Variants in TIMP2 observed in about 807,000 individuals in gnomAD.
TIMP2 encodes TIMP metallopeptidase inhibitor 2, also known as metalloproteinase inhibitor 2.
Under a neutral mutation model 24.3 loss-of-function variants are expected in TIMP2, and 5 were observed. The observed-to-expected ratio is 0.21, with a 90% CI of 0.11 to 0.43. The LOEUF (loss-of-function observed/expected upper bound fraction) is 0.43. Among genes scored for constraint, TIMP2 ranks in the 20% least tolerant of loss-of-function variants. The pLI is 1.00. For missense variants in TIMP2, 221 were observed against 297.5 expected, an observed-to-expected ratio of 0.74 and a Z score of 1.89; for synonymous variants, 130 against 123.2, an observed-to-expected ratio of 1.06 and a Z score of -0.37.
At position 78,854,719 on chromosome 17, in the gene TIMP2, G is replaced by A. The variant is rs2069509759; in HGVS notation, c.*948C>T. On this transcript the variant is annotated 3_prime_UTR_variant, in exon 5 of 5. Coordinates refer to ENST00000262768, the MANE Select transcript of TIMP2 (RefSeq NM_003255.5). ...TTTCTGTCCTCAGGATGTGCAGATG[G>A]GGAGCCCAGCCGGGCCCTGCACACA... 1 of 152,296 alleles carries A rather than the reference G, an allele frequency of 6.6e-6. No individual in the cohort carries two copies. Among genetic ancestry groups the A allele is most frequent in the Admixed American group, 6.5e-5 (1 of 15,282 alleles). 9.4% of individuals were successfully genotyped at this position (152,296 alleles called of 1,614,324 possible). A position where few individuals can be genotyped will look rare whatever the true frequency, so the allele number is the denominator to read the frequency against.
At position 78,853,427 on chromosome 17, in the gene TIMP2, C is replaced by T. The variant is rs973105879; in HGVS notation, c.*2240G>A. ...TTGAGCGGCTTCCTCTGTCAGCTGC[C>T]ACCCGGCTCTTCTTAACCTGTTTTG... is the stretch of plus-strand genomic sequence containing the variant. On this transcript the variant is annotated 3_prime_UTR_variant, in exon 5 of 5. Transcript: ENST00000262768. The T allele has an allele frequency of 6.6e-6, 1 of 152,206 alleles. No individual in the cohort carries two copies. Among genetic ancestry groups the T allele is most frequent in the Non-Finnish European group, 1.5e-5 (1 of 68,032 alleles). The allele number at this position is 152,206 out of a possible 1,614,324, so 9.4% of individuals were successfully genotyped here. A position where few individuals can be genotyped will look rare whatever the true frequency, so the allele number is the denominator to read the frequency against.
Position 78,885,763 on chromosome 17 carries a change from T to C in TIMP2, c.131-11844A>G, listed in dbSNP as rs575873282. On this transcript the variant is annotated intron_variant, in intron 1 of 4. Coordinates refer to ENST00000262768, the MANE Select transcript of TIMP2 (RefSeq NM_003255.5). ...ACCTTAACACTCTGCCCAGGTCACC[T>C]AGCTGCTGGCAAATGGCAGAGCCAG... 1.4e-3 allele frequency among the ~76,000 whole-genome samples: 219 copies of C among 152,256 alleles called. 1 individual carries two copies. The highest frequency in any genetic ancestry group is 2.6e-3 in the Non-Finnish European group (177 of 67,996).
chr17:78,892,806 A>G (rs1191586589), intron 1 of TIMP2, among the ~76,000 whole-genome samples: 1 of 151,988 alleles, frequency 6.6e-6, no homozygotes, highest in Non-Finnish European at 1.5e-5. Flanking sequence ...AATACCCCAC[A>G]CTGCACAGGA....
chr17:78,857,670 A>C, intron 3 of TIMP2, 24 bp from the exon 4 acceptor site: 1 of 1,613,660 alleles, frequency 6.2e-7, no homozygotes, highest in Non-Finnish European at 8.5e-7. Context: ...GGGATCACCG[A>C]GCTCAGGGAG....
At chr17:78,906,772 G>A (rs111699802) in intron 1 of TIMP2, among the ~76,000 whole-genome samples, 2,392 of 151,962 alleles carry the variant, frequency 0.016, 68 homozygotes, top group African/African-American at 0.055. Context: ...TGGTAGAGAC[G>A]GGGTTTTACC....
At chr17:78,883,989 C>T (rs372987777) in intron 1 of TIMP2, among the ~76,000 whole-genome samples, 52 of 152,242 alleles carry the variant, frequency 3.4e-4, no homozygotes, top group East Asian at 2.3e-3. Flanking sequence ...CACCAGACCC[C>T]GGGAGGATTT....
intron 1 of TIMP2, chr17:78,900,049 G>T (rs1479640511): frequency 1.3e-5 from 2 of 152,168 alleles, no homozygotes; most frequent in African/African-American, 2.4e-5. Context: ...ACCTTCTTTG[G>T]GGGAAATTTT....
At position 78,872,955 on chromosome 17, in the gene TIMP2, A is replaced by G. The variant is rs550088897; in HGVS notation, c.231+864T>C. 2.4e-4 allele frequency among the ~76,000 whole-genome samples: 37 copies of G among 151,994 alleles called. 1 individual carries two copies. Among genetic ancestry groups the G allele is most frequent in the African/African-American group, 8.4e-4 (35 of 41,436 alleles). ...AGTGTTCTCCTGCCTCAGCCTCCCA[A>G]GTAGCTGGGATCACAGGCACTCGCC... is the stretch of plus-strand genomic sequence containing the variant. On this transcript the variant is annotated intron_variant, in intron 2 of 4. Transcript: ENST00000262768.
intron 1 of TIMP2, among the ~76,000 whole-genome samples, chr17:78,879,319 T>C (rs919150099): frequency 3.3e-5 from 5 of 152,136 alleles, no homozygotes; most frequent in African/African-American, 1.2e-4. Flanking sequence ...AGCTCCAGGA[T>C]GGACCACCAG....
At chr17:78,877,554 AAAAGAAAAG>A (rs77527836) in intron 1 of TIMP2, among the ~76,000 whole-genome samples, 88,369 of 150,534 alleles carry the variant, frequency 0.59, 27,201 homozygotes, top group Admixed American at 0.7. Context: ...GTCTTTTAAA[AAAAGAAAAG>A]AAAGAAAAGG....
At position 78,924,846 on chromosome 17, in the gene TIMP2, G is replaced by C. The variant is rs1221074398; in HGVS notation, c.130+113C>G. On this transcript the variant is annotated intron_variant, in intron 1 of 4. Transcript: ENST00000262768. The surrounding 1 kb of genome is among the most constrained non-coding windows in gnomAD (Gnocchi z 5.3). ...ATTCGAGAAGGCGCCGAGGGACCAG[G>C]AGGCGGGCGCTGGGGTCCCTCGGCC... 9 of 604,652 alleles carry C rather than the reference G, an allele frequency of 1.5e-5. No homozygotes were observed. Among genetic ancestry groups the C allele is most frequent in the Non-Finnish European group, 2.0e-5 (9 of 445,376 alleles). 37.5% of individuals were successfully genotyped at this position (604,652 alleles called of 1,614,324 possible).
chr17:78,887,369 T>C (rs2069833779), intron 1 of TIMP2, among the ~76,000 whole-genome samples: 1 of 152,166 alleles, frequency 6.6e-6, no homozygotes, highest in African/African-American at 2.4e-5. Context: ...GGACAGTGTC[T>C]AGGACTCATA....
At chr17:78,865,838 C>G (rs940174843) in intron 3 of TIMP2, among the ~76,000 whole-genome samples, 2 of 152,118 alleles carry the variant, frequency 1.3e-5, no homozygotes, top group African/African-American at 4.8e-5. Flanking sequence ...GGCGAGGATT[C>G]AGCTGGGTAT....
Position 78,879,761 on chromosome 17 carries a change from C to T in TIMP2, c.131-5842G>A, listed in dbSNP as rs188817290. ...GTGATACACTGGCTGATGAATTCACCGCCAGATGCCGGCTACTGGAATGTA... is the reference window on the plus strand; with the variant it reads ...GTGATACACTGGCTGATGAATTCACTGCCAGATGCCGGCTACTGGAATGTA... On this transcript the variant is annotated intron_variant, in intron 1 of 4. Coordinates refer to ENST00000262768, the MANE Select transcript of TIMP2 (RefSeq NM_003255.5). 2.0e-3 allele frequency among the ~76,000 whole-genome samples: 297 copies of T among 152,244 alleles called. 2 individuals are homozygous for T. The highest frequency in any genetic ancestry group is 7.0e-3 in the African/African-American group (291 of 41,522).
chr17:78,922,920 G>A (rs2070318812), intron 1 of TIMP2, among the ~76,000 whole-genome samples: 1 of 152,156 alleles, frequency 6.6e-6, no homozygotes, highest in Non-Finnish European at 1.5e-5. Context: ...CAAGGAGAGA[G>A]GCCTGGAAGA....
chr17:78,865,578 C>T lies in TIMP2; in HGVS notation c.340+5320G>A, dbSNP rs553280673. Reference sequence around the variant, plus strand: ...GGCAGAGGTTGTGGTGAGTTGAGACCACGCCATTGCACTCCAGCCTGGGCA... The same window carrying T: ...GGCAGAGGTTGTGGTGAGTTGAGACTACGCCATTGCACTCCAGCCTGGGCA... On this transcript the variant is annotated intron_variant, in intron 3 of 4. Transcript: ENST00000262768. Among the ~76,000 whole-genome samples, 52 of 145,428 alleles carry T rather than the reference C, an allele frequency of 3.6e-4. 1 individual carries two copies. Among genetic ancestry groups the T allele is most frequent in the African/African-American group, 1.3e-3 (51 of 39,216 alleles).
intron 3 of TIMP2, among the ~76,000 whole-genome samples, chr17:78,869,941 C>T (rs960741999): frequency 2.0e-5 from 3 of 152,184 alleles, no homozygotes; most frequent in African/African-American, 7.2e-5. Flanking sequence ...CCATGTGAGG[C>T]CCCTGGAGTA....
intron 2 of TIMP2, 113 bp downstream of exon 2, chr17:78,873,706 G>T: frequency 1.3e-6 from 1 of 780,154 alleles, no homozygotes; most frequent in Non-Finnish European, 2.1e-6. Flanking sequence ...CTCATCCTCT[G>T]CTCTAGTCCA....
intron 2 of TIMP2, among the ~76,000 whole-genome samples, chr17:78,872,802 T>G (rs2145755075): frequency 6.6e-6 from 1 of 152,198 alleles, no homozygotes; most frequent in Non-Finnish European, 1.5e-5. Context: ...CCACTGACCT[T>G]CTGATAACAT....
Sources: allele counts gnomAD v4.1 joint callset (sites outside exome capture counted in the v4.1 genomes callset), GRCh38; gene constraint gnomAD v4.1.1; non-coding constraint Gnocchi (gnomAD v3.1); transcripts MANE v1.5; gene names NCBI Gene and HGNC (gene_info 2026-07-23, HGNC 2026-07-21).